The following MCTP1 variants were observed in gnomAD, a reference collection of about 807,000 sequenced individuals.
The protein encoded by MCTP1 is multiple C2 and transmembrane domain-containing protein 1.
A neutral mutation model predicts 120.6 loss-of-function variants in MCTP1; 69 were observed. The observed-to-expected ratio is 0.57, with a 90% confidence interval of 0.47 to 0.70. The LOEUF (loss-of-function observed/expected upper bound fraction) is 0.70. MCTP1 is among the 30% of genes least tolerant of loss of function. MCTP1 has a pLI of 0.00. For synonymous variants in MCTP1, 529 were observed against 493.1 expected, an observed-to-expected ratio of 1.07 and a Z score of -0.96; for missense variants, 1,203 against 1,248.8, an observed-to-expected ratio of 0.96 and a Z score of 0.55.
intron 1 of MCTP1, among the ~76,000 whole-genome samples, chr5:95,120,382 A>G (rs1758136598): frequency 6.6e-6 from 1 of 152,166 alleles, no homozygotes; most frequent in Non-Finnish European, 1.5e-5. Flanking sequence ...CACATTAAAA[A>G]AAAGAAAACT....
At position 94,927,352 on chromosome 5, in the gene MCTP1, T is replaced by A. The variant is rs140372100; in HGVS notation, c.1213-3331A>T. ...TGCTTATGAGGTTGATTTTATAACA[T>A]TTCCAAATAATACAGATTTGGGAGT... is the stretch of plus-strand genomic sequence containing the variant. On this transcript the variant is annotated intron_variant, in intron 6 of 22. Transcript: ENST00000515393. 9.1e-4 allele frequency among the ~76,000 whole-genome samples: 139 copies of A among 152,314 alleles called. 3 individuals are homozygous for A. The East Asian group carries it at 0.025, about 27-fold the overall frequency.
At chr5:94,882,817 G>A (rs920884226) in intron 12 of MCTP1, among the ~76,000 whole-genome samples, 1 of 151,946 alleles carries the variant, frequency 6.6e-6, no homozygotes, top group East Asian at 1.9e-4. Flanking sequence ...AATCTCTTTT[G>A]TCATCCCACC....
intron 5 of MCTP1, 69 bp downstream of exon 5, chr5:94,940,015 C>T: frequency 1.2e-6 from 1 of 863,140 alleles, no homozygotes; most frequent in Non-Finnish European, 1.8e-6. Context: ...ATTATCATCT[C>T]TGGGTCCAGA....
intron 17 of MCTP1, among the ~76,000 whole-genome samples, chr5:94,861,910 G>A (rs1426013431): frequency 6.6e-6 from 1 of 151,732 alleles, no homozygotes. Context: ...GAAGTGAAGT[G>A]GGGCAGCATC....
Position 94,707,398 on chromosome 5 carries a change from TAAATAAAAAGCAGA to T in MCTP1, c.*84_*97del, listed in dbSNP as rs1754914543. 28 of 931,666 alleles carry T rather than the reference TAAATAAAAAGCAGA, an allele frequency of 3.0e-5. No homozygotes were observed. In the South Asian group the frequency reaches 4.0e-4, roughly 13 times the overall value. 57.7% of individuals were successfully genotyped at this position (931,666 alleles called of 1,614,324 possible). A position where few individuals can be genotyped will look rare whatever the true frequency, so the allele number is the denominator to read the frequency against. On this transcript the variant is annotated 3_prime_UTR_variant, in exon 23 of 23. Coordinates refer to ENST00000515393, the MANE Select transcript of MCTP1 (RefSeq NM_024717.7). ...TCTCGATCATGATAAAAAGGCAAAA[TAAATAAAAAGCAGA>T]AAGAAAGGAAATGCTGCTGAGGCTG...
At chr5:95,039,595 T>A (rs1478423617) in intron 1 of MCTP1, among the ~76,000 whole-genome samples, 1 of 152,200 alleles carries the variant, frequency 6.6e-6, no homozygotes, top group Non-Finnish European at 1.5e-5. Context: ...TACCACAGGA[T>A]GAGAATTTTA....
chr5:95,196,242 G>C (rs1279663402), intron 1 of MCTP1, among the ~76,000 whole-genome samples: 1 of 152,128 alleles, frequency 6.6e-6, no homozygotes, highest in Non-Finnish European at 1.5e-5. Flanking sequence ...ATACATATAT[G>C]TTCCTTATGT....
chr5:94,928,424 C>T (rs76239856), intron 6 of MCTP1, among the ~76,000 whole-genome samples: 5,136 of 152,222 alleles, frequency 0.034, 125 homozygotes, highest in Middle Eastern at 0.062. Context: ...CAGTGATAAG[C>T]TTCTTCTAAA....
At chr5:94,987,596 C>T (rs1192678944) in intron 2 of MCTP1, among the ~76,000 whole-genome samples, 1 of 152,062 alleles carries the variant, frequency 6.6e-6, no homozygotes, top group Admixed American at 6.6e-5. Context: ...AGAAAAAATA[C>T]TTCATGGGTA....
chr5:94,754,785 C>T (rs539744013), intron 19 of MCTP1, among the ~76,000 whole-genome samples: 8 of 152,296 alleles, frequency 5.3e-5, no homozygotes, highest in African/African-American at 1.9e-4. Flanking sequence ...GCCATTTACA[C>T]CTTTCCCCAT....
intron 17 of MCTP1, among the ~76,000 whole-genome samples, chr5:94,827,723 A>G (rs1210068044): frequency 1.3e-5 from 2 of 150,788 alleles, no homozygotes; most frequent in East Asian, 2.0e-4. Context: ...TTGATCTTCA[A>G]TCTCTGATAT....
At chr5:94,815,483 G>C (rs1784327972) in intron 17 of MCTP1, among the ~76,000 whole-genome samples, 1 of 152,172 alleles carries the variant, frequency 6.6e-6, no homozygotes, top group African/African-American at 2.4e-5. Context: ...GACAGGTGTG[G>C]CTTTGTTCTC....
intron 1 of MCTP1, among the ~76,000 whole-genome samples, chr5:95,121,276 AC>A (rs1758218675): frequency 1.6e-5 from 2 of 126,022 alleles, no homozygotes; most frequent in African/African-American, 5.7e-5. Flanking sequence ...AGACTCCATC[AC>A]AAAAAAAAAA....
chr5:95,042,840 TA>T (rs1309463049), intron 1 of MCTP1, among the ~76,000 whole-genome samples: 3 of 152,346 alleles, frequency 2.0e-5, no homozygotes, highest in African/African-American at 7.2e-5. Context: ...AGACACTTAG[TA>T]TTCTATTGAA....
intron 1 of MCTP1, among the ~76,000 whole-genome samples, chr5:95,059,956 A>G (rs143445454): frequency 6.6e-6 from 1 of 152,346 alleles, no homozygotes; most frequent in East Asian, 1.9e-4. Context: ...CCCAATAAGA[A>G]GCAAGAAATT....
chr5:94,832,839 G>T (rs1051615065), intron 17 of MCTP1, among the ~76,000 whole-genome samples: 1 of 152,206 alleles, frequency 6.6e-6, no homozygotes, highest in Non-Finnish European at 1.5e-5. Flanking sequence ...GGCTCACTGC[G>T]AAGAGTGCGC....
At chr5:95,202,273 C>T (rs775527072) in intron 1 of MCTP1, among the ~76,000 whole-genome samples, 10 of 152,222 alleles carry the variant, frequency 6.6e-5, no homozygotes, top group African/African-American at 2.4e-4. Context: ...GACCTTTGAA[C>T]TGTAAGACTT....
chr5:95,184,250 C>T (rs913011914), intron 1 of MCTP1, among the ~76,000 whole-genome samples: 3 of 151,832 alleles, frequency 2.0e-5, no homozygotes, highest in Admixed American at 2.0e-4. Flanking sequence ...AGATATTTGC[C>T]CAAAAGGAAA....
rs1759954980 is a variant in MCTP1, at chr5:95,277,576, C to A, written c.720+6280G>T. Among the ~76,000 whole-genome samples, 3 of 152,228 alleles carry A rather than the reference C, an allele frequency of 2.0e-5. No individual in the cohort carries two copies. In the South Asian group the frequency reaches 6.2e-4, roughly 32 times the overall value. On this transcript the variant is annotated intron_variant, in intron 1 of 22. Transcript: ENST00000515393. ...ATTTATTGAGTAGTCTTCCCCTGAACTGTTTTACAATGCTGATTCACTAGG... is the reference window on the plus strand; with the variant it reads ...ATTTATTGAGTAGTCTTCCCCTGAAATGTTTTACAATGCTGATTCACTAGG...
Sources: allele counts gnomAD v4.1 joint callset (sites outside exome capture counted in the v4.1 genomes callset), GRCh38; gene constraint gnomAD v4.1.1; transcripts MANE v1.5; gene names NCBI Gene and HGNC (gene_info 2026-07-23, HGNC 2026-07-21).